ARHGAP22: variants seen among roughly 807,000 people sequenced by gnomAD.
The protein encoded by ARHGAP22 is Rho GTPase activating protein 22.
In ARHGAP22, 48 loss-of-function variants were observed where a neutral mutation model predicts 59.1. The observed-to-expected ratio is 0.81, with a 90% CI of 0.64 to 1.03. The LOEUF (loss-of-function observed/expected upper bound fraction) is 1.03, where lower values mean the gene tolerates loss of function less well. ARHGAP22 is among the 50% of genes least tolerant of loss of function. The pLI is 0.00. For missense variants in ARHGAP22, 1,015 were observed against 958.7 expected (o/e 1.06, Z -0.78); for synonymous variants, 445 against 416.4 (o/e 1.07, Z -0.84).
At chr10:48,563,827 TA>T (rs1387216826) in intron 2 of ARHGAP22, among the ~76,000 whole-genome samples, 1 of 152,268 alleles carries the variant, frequency 6.6e-6, no homozygotes, top group Non-Finnish European at 1.5e-5. Flanking sequence ...AATAATTTTA[TA>T]TTGATTACTT....
chr10:48,512,344 A>C (rs1488841650), intron 3 of ARHGAP22, among the ~76,000 whole-genome samples: 1 of 152,250 alleles, frequency 6.6e-6, no homozygotes, highest in Non-Finnish European at 1.5e-5. Context: ...GGGTGGCCTT[A>C]GGCAGGAAAT....
chr10:48,615,526 T>C (rs1406428241), intron 1 of ARHGAP22, among the ~76,000 whole-genome samples: 2 of 152,134 alleles, frequency 1.3e-5, no homozygotes, highest in Non-Finnish European at 2.9e-5. Flanking sequence ...ATTCAAAGTG[T>C]CCAGTTTTCA....
chr10:48,509,158 G>A (rs1321929626), intron 3 of ARHGAP22, among the ~76,000 whole-genome samples: 6 of 152,230 alleles, frequency 3.9e-5, no homozygotes, highest in Admixed American at 3.3e-4. Flanking sequence ...GGGGTGTGGG[G>A]ACAGCCATGA....
At chr10:48,585,880 T>C (rs1297698847) in intron 1 of ARHGAP22, among the ~76,000 whole-genome samples, 8 of 152,178 alleles carry the variant, frequency 5.3e-5, no homozygotes, top group Non-Finnish European at 8.8e-5. Flanking sequence ...AGTGGGTTTT[T>C]TCCAGAGACT....
chr10:48,621,995 G>A (rs1042749373), intron 1 of ARHGAP22, among the ~76,000 whole-genome samples: 5 of 152,042 alleles, frequency 3.3e-5, no homozygotes, highest in African/African-American at 1.2e-4. Flanking sequence ...TTTTCATGGA[G>A]TATTTTTTTC....
intron 1 of ARHGAP22, among the ~76,000 whole-genome samples, chr10:48,602,227 C>T (rs2060426580): frequency 6.6e-6 from 1 of 152,126 alleles, no homozygotes; most frequent in African/African-American, 2.4e-5. Context: ...TTTCTCTCCC[C>T]ACCCCCAAAG....
chr10:48,462,248 T>TG (rs35916329), intron 4 of ARHGAP22, among the ~76,000 whole-genome samples: 12,666 of 53,976 alleles, frequency 0.23, 1,007 homozygotes, highest in East Asian at 0.62. Context: ...CACTTCGGGG[T>TG]GGGGGGGGGG....
At chr10:48,468,904 G>T (rs575471260) in intron 4 of ARHGAP22, among the ~76,000 whole-genome samples, 2 of 152,220 alleles carry the variant, frequency 1.3e-5, no homozygotes, top group East Asian at 1.9e-4. Flanking sequence ...TTGGTGCAGG[G>T]TGTCACAAGC....
At chr10:48,498,931 A>G (rs2051225514) in intron 3 of ARHGAP22, among the ~76,000 whole-genome samples, 2 of 151,808 alleles carry the variant, frequency 1.3e-5, no homozygotes, top group South Asian at 4.2e-4. Flanking sequence ...CCGAGACCCA[A>G]GGGGAGCTTC....
intron 3 of ARHGAP22, among the ~76,000 whole-genome samples, chr10:48,533,383 T>G (rs1357065028): frequency 5.9e-5 from 9 of 152,182 alleles, no homozygotes; most frequent in Non-Finnish European, 1.2e-4. Context: ...CAAGAAAAAT[T>G]TAAAGCCTGG....
chr10:48,479,477 C>G, intron 4 of ARHGAP22, 159 bp downstream of exon 4: 1 of 1,386,794 alleles, frequency 7.2e-7, no homozygotes, highest in African/African-American at 1.4e-5. Flanking sequence ...GGGTGACTCC[C>G]GAGGGCTGGC....
intron 2 of ARHGAP22, among the ~76,000 whole-genome samples, chr10:48,571,833 GT>G (rs1387428608): frequency 6.6e-6 from 1 of 152,180 alleles, no homozygotes; most frequent in African/African-American, 2.4e-5. Context: ...AGGCTGTGTG[GT>G]TTTTCTCTCA....
upstream of ARHGAP22, among the ~76,000 whole-genome samples, chr10:48,606,539 G>A (rs1165550161): frequency 6.6e-6 from 1 of 152,140 alleles, no homozygotes; most frequent in African/African-American, 2.4e-5. Flanking sequence ...ACTCCTCTCT[G>A]ACCTATCTCT....
chr10:48,506,024 C>T (rs148170837), intron 3 of ARHGAP22, among the ~76,000 whole-genome samples: 167 of 152,280 alleles, frequency 1.1e-3, no homozygotes, highest in African/African-American at 3.8e-3. Flanking sequence ...TTGGCCACCA[C>T]GTATCTCTCA....
intron 3 of ARHGAP22, among the ~76,000 whole-genome samples, chr10:48,537,002 C>T (rs558437347): frequency 2.0e-5 from 3 of 152,172 alleles, no homozygotes; most frequent in Non-Finnish European, 4.4e-5. Flanking sequence ...AAAAAAACCC[C>T]ATCACCAAGG....
chr10:48,431,963 A>T, the ARHGAP22 span, among the ~76,000 whole-genome samples: 2 of 152,214 alleles, frequency 1.3e-5, no homozygotes, highest in Admixed American at 1.3e-4. Flanking sequence ...CATGTTATGG[A>T]TGAGGAAACT....
rs755687175 is a variant in ARHGAP22, at chr10:48,459,834, C to G, written c.509G>C (p.Arg170Pro). ...CTGCTCCACCAGCAGGGGCGCCAGG[C>G]GGGGGCCATACTTCCGCTCGTGGTG... ...TVHHERKYGP[R>P]LAPLLVEQCV... Residue 170 changes from arginine (R) to proline (P), a missense_variant, in exon 5 of 10, where the codon CGC (arginine) becomes CCC (proline). Physicochemically the swap from Arg to Pro is moderately radical, Grantham distance 103. Coordinates refer to ENST00000249601, the MANE Select transcript of ARHGAP22 (RefSeq NM_021226.4). 41 of 1,613,328 alleles carry G rather than the reference C, an allele frequency of 2.5e-5. No homozygotes were observed. The highest frequency in any genetic ancestry group is 6.7e-5 in the African/African-American group (5 of 74,928).
intron 4 of ARHGAP22, among the ~76,000 whole-genome samples, chr10:48,462,502 G>A (rs1036698153): frequency 2.6e-5 from 4 of 152,208 alleles, no homozygotes; most frequent in Admixed American, 6.5e-5. Context: ...ATGCATGACA[G>A]GGACAACGGT....
chr10:48,636,208 C>T (rs1027757960), intron 1 of ARHGAP22, among the ~76,000 whole-genome samples: 1 of 152,182 alleles, frequency 6.6e-6, no homozygotes, highest in African/African-American at 2.4e-5. Flanking sequence ...CTGCCCTGCA[C>T]AGCTTCAGCA....
Sources: allele counts gnomAD v4.1 joint callset (sites outside exome capture counted in the v4.1 genomes callset), GRCh38; gene constraint gnomAD v4.1.1; transcripts MANE v1.5; gene names NCBI Gene and HGNC (gene_info 2026-07-23, HGNC 2026-07-21).